Variants in LDLRAD4 observed in about 807,000 individuals in gnomAD.
LDLRAD4 encodes low-density lipoprotein receptor class A domain-containing protein 4.
Under a neutral mutation model 17.0 loss-of-function variants are expected in LDLRAD4, and 5 were observed. That is an observed-to-expected ratio of 0.29 (90% CI 0.15 to 0.62). The LOEUF (loss-of-function observed/expected upper bound fraction) is 0.62. Among genes scored for constraint, LDLRAD4 ranks in the 20% least tolerant of loss-of-function variants. The probability of loss-of-function intolerance (pLI) is 0.84; values close to 1 mark genes in which losing one functional copy is unlikely to be tolerated. For synonymous variants in LDLRAD4, 168 were observed against 171.8 expected, an observed-to-expected ratio of 0.98 and a Z score of 0.17; for missense variants, 340 against 424.7, an observed-to-expected ratio of 0.80 and a Z score of 1.75.
chr18:13,267,497 A>G (rs1343175877), intron 1 of LDLRAD4, among the ~76,000 whole-genome samples: 3 of 152,254 alleles, frequency 2.0e-5, no homozygotes, highest in Non-Finnish European at 4.4e-5. Context: ...CCAGGGGCAT[A>G]GCCTGTGAAT....
At chr18:13,374,371 T>A (rs1053199412) in intron 1 of LDLRAD4, among the ~76,000 whole-genome samples, 1 of 152,206 alleles carries the variant, frequency 6.6e-6, no homozygotes, top group African/African-American at 2.4e-5. Flanking sequence ...CTGTCCATTG[T>A]TGGTCTGTGG....
At chr18:13,254,390 G>A (rs2043390187) in intron 1 of LDLRAD4, among the ~76,000 whole-genome samples, 1 of 152,208 alleles carries the variant, frequency 6.6e-6, no homozygotes, top group South Asian at 2.1e-4. Context: ...TTTGCACTGG[G>A]CCACGGTCTG....
At chr18:13,498,159 C>A (rs1412129850) in intron 3 of LDLRAD4, among the ~76,000 whole-genome samples, 1 of 151,168 alleles carries the variant, frequency 6.6e-6, no homozygotes, top group African/African-American at 2.4e-5. Flanking sequence ...TCGCCACACA[C>A]GTCCCTCTGT....
At chr18:13,499,438 C>T (rs886858164) in intron 3 of LDLRAD4, among the ~76,000 whole-genome samples, 41 of 147,640 alleles carry the variant, frequency 2.8e-4, no homozygotes, top group African/African-American at 1.0e-3. Flanking sequence ...CACACACGTC[C>T]TGCCGTGGAC....
intron 2 of LDLRAD4, among the ~76,000 whole-genome samples, chr18:13,402,788 CA>C (rs371836764): frequency 1.6e-4 from 24 of 152,072 alleles, no homozygotes; most frequent in African/African-American, 5.8e-4. Context: ...AAATGTCAAC[CA>C]GGAAGGAAAT....
chr18:13,410,352 T>C (rs901800292), intron 2 of LDLRAD4, among the ~76,000 whole-genome samples: 2 of 152,170 alleles, frequency 1.3e-5, no homozygotes, highest in African/African-American at 4.8e-5. Flanking sequence ...AATAGGAGTA[T>C]GCCAATTTAA....
chr18:13,509,169 C>T (rs1010239998), intron 3 of LDLRAD4, among the ~76,000 whole-genome samples: 3 of 152,212 alleles, frequency 2.0e-5, no homozygotes, highest in Admixed American at 6.5e-5. Flanking sequence ...ACAAAAACAG[C>T]CAGGCATCAT....
chr18:13,301,711 G>A (rs988179058), intron 1 of LDLRAD4, among the ~76,000 whole-genome samples: 1 of 152,202 alleles, frequency 6.6e-6, no homozygotes, highest in Admixed American at 6.5e-5. Flanking sequence ...CTTTCTGTGT[G>A]AATTTTGTGA....
chr18:13,371,445 C>T (rs2084502442), intron 1 of LDLRAD4, among the ~76,000 whole-genome samples: 1 of 152,176 alleles, frequency 6.6e-6, no homozygotes, highest in African/African-American at 2.4e-5. Flanking sequence ...TGCACTGGTG[C>T]ACTGTCCACT....
rs190393270 is a variant in LDLRAD4, at chr18:13,526,874, C to T, written c.181+88490C>T. 1.7e-3 allele frequency among the ~76,000 whole-genome samples: 264 copies of T among 152,342 alleles called. 2 individuals are homozygous for T. Among genetic ancestry groups the T allele is most frequent in the African/African-American group, 6.1e-3 (254 of 41,580 alleles). On this transcript the variant is annotated intron_variant, in intron 3 of 5. Coordinates refer to ENST00000359446, the Ensembl canonical transcript of LDLRAD4. ...CAAAGTCCTCCCCTCCTCTCCTCCT[C>T]TCTTCCCCTTCTCTTCCTCCCTTCC...
intron 3 of LDLRAD4, chr18:13,486,383 A>G (rs1470967360): frequency 6.6e-6 from 1 of 152,256 alleles, no homozygotes; most frequent in Non-Finnish European, 1.5e-5. Flanking sequence ...AACAAATAGC[A>G]AGTTACAATT....
intron 2 of LDLRAD4, chr18:13,419,479 A>G (rs762473462): frequency 1.3e-5 from 2 of 152,316 alleles, no homozygotes; most frequent in African/African-American, 2.4e-5. Context: ...TGGTACAATC[A>G]TAGCTCACCA....
chr18:13,334,572 C>T (rs1250583203), intron 1 of LDLRAD4, among the ~76,000 whole-genome samples: 1 of 152,202 alleles, frequency 6.6e-6, no homozygotes, highest in African/African-American at 2.4e-5. Context: ...ATCCTAGAAT[C>T]TTGCTATAGT....
At chr18:13,462,714 T>A (rs1427613198) in intron 3 of LDLRAD4, among the ~76,000 whole-genome samples, 1 of 152,220 alleles carries the variant, frequency 6.6e-6, no homozygotes, top group East Asian at 1.9e-4. Flanking sequence ...AGGAGGCCAG[T>A]GTGGGCTCAG....
intron 3 of LDLRAD4, among the ~76,000 whole-genome samples, chr18:13,455,223 G>A (rs2092063170): frequency 7.0e-6 from 1 of 143,638 alleles, no homozygotes; most frequent in Non-Finnish European, 1.6e-5. Flanking sequence ...CAGGAGGCCT[G>A]GGGTTTCCAG....
At position 13,386,637 on chromosome 18, in the gene LDLRAD4, T is replaced by G. The variant is rs143992456; in HGVS notation, c.-382-704T>G. 1.8e-3 allele frequency among the ~76,000 whole-genome samples: 272 copies of G among 152,350 alleles called. 11 individuals are homozygous for G. In the South Asian group the frequency reaches 0.023, roughly 13 times the overall value. The stretch of plus-strand genomic sequence containing the variant: ...CTCCCGCCTCGGCCTCCCAAATTGC[T>G]GGGATTACAGGCAAAATGCTTCTAT... On this transcript the variant is annotated intron_variant, in intron 1 of 5. Transcript: ENST00000359446.
chr18:13,559,242 A>G (rs961649678), intron 3 of LDLRAD4, among the ~76,000 whole-genome samples: 5 of 152,358 alleles, frequency 3.3e-5, no homozygotes, highest in Non-Finnish European at 7.4e-5. Flanking sequence ...TCAGCACAGC[A>G]TCTGCATGGC....
intron 4 of LDLRAD4, chr18:13,642,613 G>A (rs2042673286): frequency 4.1e-6 from 5 of 1,230,178 alleles, no homozygotes; most frequent in Non-Finnish European, 4.1e-6. Context: ...CTGCGAGCGC[G>A]GACTTGCGCC....
intron 2 of LDLRAD4, among the ~76,000 whole-genome samples, chr18:13,407,841 T>G (rs1396764131): frequency 6.6e-6 from 1 of 152,238 alleles, no homozygotes; most frequent in Non-Finnish European, 1.5e-5. Flanking sequence ...ACCACGTTCC[T>G]GAGGGTAGGA....
Sources: gnomAD v4.1 joint callset for allele counts (sites outside exome capture counted in the v4.1 genomes callset) on GRCh38, gnomAD v4.1.1 for gene constraint, MANE v1.5 for transcripts, NCBI Gene and HGNC (gene_info 2026-07-23, HGNC 2026-07-21) for gene names.